DOCK6: variants seen among roughly 807,000 people sequenced by gnomAD.
DOCK6 encodes the protein dedicator of cytokinesis 6, also known as dedicator of cytokinesis protein 6.
Under a neutral mutation model 230.3 loss-of-function variants are expected in DOCK6, and 167 were observed. That is an observed-to-expected ratio of 0.73 (90% confidence interval 0.64 to 0.82). DOCK6 has a LOEUF of 0.82. Ranked by LOEUF, DOCK6 falls within the 40% of genes least tolerant of loss-of-function variation. The pLI is 0.00. For missense variants in DOCK6, 2,598 were observed against 2,825.8 expected (o/e 0.92, Z 1.83); for synonymous variants, 1,148 against 1,185.0 (o/e 0.97, Z 0.64).
At chr19:11,215,664 G>A (rs570677531) in intron 31 of DOCK6, 137 bp downstream of exon 31, 28 of 1,451,008 alleles carry the variant, frequency 1.9e-5, no homozygotes, top group South Asian at 4.9e-5. Flanking sequence ...GCATGTGTAC[G>A]GTGATGATTT....
At chr19:11,229,154 G>T in intron 22 of DOCK6, 119 bp from the exon 23 acceptor site, 1 of 1,219,678 alleles carries the variant, frequency 8.2e-7, no homozygotes, top group Non-Finnish European at 1.1e-6. Flanking sequence ...CAGGAGCCAG[G>T]CAGGAGGAGG....
Position 11,220,079 on chromosome 19 carries a change from A to C in DOCK6, c.3550+1772T>G, listed in dbSNP as rs548612268. Among the ~76,000 whole-genome samples, 207 of 151,422 alleles carry C rather than the reference A, an allele frequency of 1.4e-3. 1 individual carries two copies. Among genetic ancestry groups the C allele is most frequent in the African/African-American group, 4.7e-3 (194 of 41,270 alleles). On this transcript the variant is annotated intron_variant, in intron 28 of 47. Transcript: ENST00000294618. ...AGCGATACTCCTGCCTCAGCCTCCC[A>C]AGTAGCTTGGATTACCGGTGCCCAC...
rs771218272 is a variant in DOCK6 at position 11,212,158 on chromosome 19, G to A, written c.4492-7C>T. The A allele has an allele frequency of 3.1e-6, 5 of 1,605,344 alleles. No homozygotes were observed. The African/African-American group carries it at 6.7e-5, about 21-fold the overall frequency. On this transcript the variant is annotated splice_polypyrimidine_tract_variant and splice_region_variant and intron_variant, in intron 35 of 47. Coordinates refer to ENST00000294618, the MANE Select transcript of DOCK6 (RefSeq NM_020812.4). Reference sequence around the variant, plus strand: ...TCTTCACACGGGCAAAGTTCTGCAGGGACAGGGGCGGGAGGGTGGAGCCGG... The same window carrying A: ...TCTTCACACGGGCAAAGTTCTGCAGAGACAGGGGCGGGAGGGTGGAGCCGG...
rs767397341 is a variant in DOCK6, at chr19:11,221,836, C to T, written c.3550+15G>A. ...CCCTGGATCATGTGACCCCATCTTC[C>T]CCTGGCCCACTGACCAGCAAAGTCA... On this transcript the variant is annotated intron_variant, in intron 28 of 47. Coordinates refer to ENST00000294618, the MANE Select transcript of DOCK6 (RefSeq NM_020812.4). The T allele has an allele frequency of 1.2e-6, 2 of 1,613,614 alleles. No homozygotes were observed.
rs7252976 is a variant in DOCK6 at position 11,204,667 on chromosome 19, A to G, written c.5089-336T>C. On this transcript the variant is annotated intron_variant, in intron 39 of 47. Transcript: ENST00000294618. ...AGATGCTCCCACCCTAGCCTCCCACATAGCTGGAACTACAGGTACATGCCA... is the reference window on the plus strand; with the variant it reads ...AGATGCTCCCACCCTAGCCTCCCACGTAGCTGGAACTACAGGTACATGCCA... 0.71 allele frequency among the ~76,000 whole-genome samples: 108,242 copies of G among 151,988 alleles called. 38,789 individuals are homozygous for G. Among genetic ancestry groups the G allele is most frequent in the African/African-American group, 0.8 (32,997 of 41,466 alleles).
At chr19:11,217,480 G>C (rs2079511343) in intron 28 of DOCK6, 89 bp from the exon 29 acceptor site, 8 of 1,504,242 alleles carry the variant, frequency 5.3e-6, no homozygotes, top group Admixed American at 2.0e-5. Context: ...CTCATGGCCA[G>C]GCACAGTGGC....
rs997962427 is a variant in DOCK6 at position 11,243,390 on chromosome 19, G to C, written c.1259-5C>G. On this transcript the variant is annotated splice_polypyrimidine_tract_variant and splice_region_variant and intron_variant, in intron 11 of 47. Transcript: ENST00000294618. The surrounding 1 kb of genome is among the most constrained non-coding windows in gnomAD (Gnocchi z 6.3). ...CTGTCCAGGCTGGCCGGCGCTCTAG[G>C]GGAGGGAATGACAATGACAAAAGGG... The C allele has an allele frequency of 3.1e-6, 5 of 1,600,894 alleles. No homozygotes were observed. The highest frequency in any genetic ancestry group is 3.4e-6 in the Non-Finnish European group (4 of 1,174,416).
Position 11,238,214 on chromosome 19 carries a change from T to C in DOCK6, c.1734A>G (p.Thr578=), listed in dbSNP as rs1189121555. The change falls in exon 15 of 48, where the codon ACA becomes ACG. Residue 578 remains threonine, a synonymous_variant. Transcript: ENST00000294618. The part of the protein sequence containing the change: ...RNLAVRVQYM[T]GEDPSQALPV... ...GCAGAGCCTGGCTGGGGTCCTCGCC[T>C]GTCATGTACTGCACTCGCACAGCAA... 2 of 1,613,512 alleles carry C rather than the reference T, an allele frequency of 1.2e-6. No homozygotes were observed. Among genetic ancestry groups the C allele is most frequent in the East Asian group, 2.2e-5 (1 of 44,860 alleles).
Position 11,222,279 on chromosome 19 carries a change from A to C in DOCK6, c.3241-31T>G. On this transcript the variant is annotated intron_variant, in intron 26 of 47. Transcript: ENST00000294618. The surrounding 1 kb of genome is among the most constrained non-coding windows in gnomAD (Gnocchi z 4.0). The stretch of plus-strand genomic sequence containing the variant: ...GAGTGGGGGAAAAATGGGGGATGCC[A>C]GCGGTCAAGGGTCAGAGGTGGCAGG... 1 of 1,578,552 alleles carries C rather than the reference A, an allele frequency of 6.3e-7. No individual in the cohort carries two copies. Among genetic ancestry groups the C allele is most frequent in the Non-Finnish European group, 8.6e-7 (1 of 1,162,318 alleles).
chr19:11,199,439 A>G lies in DOCK6; in HGVS notation c.*58T>C, dbSNP rs1414854074. 3 of 1,550,076 alleles carry G rather than the reference A, an allele frequency of 1.9e-6. No individual in the cohort carries two copies. Among genetic ancestry groups the G allele is most frequent in the Non-Finnish European group, 2.6e-6 (3 of 1,144,578 alleles). On this transcript the variant is annotated 3_prime_UTR_variant, in exon 48 of 48. Transcript: ENST00000294618. ...CACCAGGGCAGACTCCCCTCGCAGCACAGACAGCTGAGGCCCGGGTGCTGG... is the reference window on the plus strand; with the variant it reads ...CACCAGGGCAGACTCCCCTCGCAGCGCAGACAGCTGAGGCCCGGGTGCTGG...
At chr19:11,213,133 G>T in intron 35 of DOCK6, 43 bp downstream of exon 35, 1 of 1,591,078 alleles carries the variant, frequency 6.3e-7, no homozygotes, top group South Asian at 1.1e-5. Context: ...TGGCCACCCT[G>T]ACCAGAGCCA....
intron 7 of DOCK6, 70 bp from the exon 8 acceptor site, chr19:11,245,948 G>A (rs2080026395): frequency 5.2e-6 from 8 of 1,529,396 alleles, no homozygotes; most frequent in Non-Finnish European, 7.1e-6. Flanking sequence ...ACTCCCTCTT[G>A]AGGCCCAAGG....
rs533800908 is a variant in DOCK6, at chr19:11,226,433, C to G, written c.2955+904G>C. Reference sequence around the variant, plus strand: ...CAGCACTTTGGGAGGGCAAGGCGGGCAGATCACCTGAGGTTAGGAGTTCCA... The same window carrying G: ...CAGCACTTTGGGAGGGCAAGGCGGGGAGATCACCTGAGGTTAGGAGTTCCA... On this transcript the variant is annotated intron_variant, in intron 24 of 47. Transcript: ENST00000294618. Among the ~76,000 whole-genome samples the G allele has an allele frequency of 1.4e-4, 22 of 152,294 alleles. 1 individual carries two copies. The East Asian group carries it at 4.3e-3, about 29-fold the overall frequency.
At chr19:11,207,627 A>G (rs1438337839) in intron 39 of DOCK6, among the ~76,000 whole-genome samples, 1 of 151,716 alleles carries the variant, frequency 6.6e-6, no homozygotes, top group Non-Finnish European at 1.5e-5. Context: ...CTCCCTCTCT[A>G]TGAAAAAATT....
rs1444724009 is a variant in DOCK6 at position 11,245,877 on chromosome 19, A to G, written c.808T>C (p.Phe270Leu). 2 of 1,560,394 alleles carry G rather than the reference A, an allele frequency of 1.3e-6. No homozygotes were observed. The highest frequency in any genetic ancestry group is 1.9e-5 in the Admixed American group (1 of 51,786). ...RILVKCLSLKFEIEIEPIFGI... is the reference protein window; with the variant it reads ...RILVKCLSLKLEIEIEPIFGI... Reference sequence around the variant, plus strand: ...AAGATGGGCTCAATTTCAATCTCGAACCTACAAGTAAATGGGAGGGAGGGG... The same window carrying G: ...AAGATGGGCTCAATTTCAATCTCGAGCCTACAAGTAAATGGGAGGGAGGGG... The change falls in exon 8 of 48, where the codon TTC becomes CTC. Residue 270 changes from phenylalanine (F) to leucine (L), a missense_variant and splice_region_variant. Phe to Leu is a conservative substitution (Grantham distance 22). Transcript: ENST00000294618.
chr19:11,240,616 G>A (rs1270972340), intron 14 of DOCK6, among the ~76,000 whole-genome samples: 1 of 146,020 alleles, frequency 6.8e-6, no homozygotes, highest in African/African-American at 2.6e-5. Flanking sequence ...GAGTCTCACT[G>A]TTGCCCAGGC....
At chr19:11,214,834 G>C (rs767021264) in intron 32 of DOCK6, among the ~76,000 whole-genome samples, 185 bp from the exon 33 acceptor site, 1 of 151,784 alleles carries the variant, frequency 6.6e-6, no homozygotes, top group Non-Finnish European at 1.5e-5. Flanking sequence ...GAGTGCAGTG[G>C]TGTGATCACC....
In DOCK6 at chr19:11,202,637, C is replaced by T; in HGVS notation, c.5308G>A (p.Val1770Met). 1 of 1,614,058 alleles carries T rather than the reference C, an allele frequency of 6.2e-7. No homozygotes were observed. The highest frequency in any genetic ancestry group is 2.2e-5 in the East Asian group (1 of 44,880). ...HFGDLDEQEFVYKEPSITKLA... is the reference protein window; with the variant it reads ...HFGDLDEQEFMYKEPSITKLA... The stretch of plus-strand genomic sequence containing the variant: ...TTCGTGATCGATGGCTCCTTGTACA[C>T]AAACTCCTGCTCATCCAGGTCACCG... The change falls in exon 42 of 48, where the codon GTG (valine) becomes ATG (methionine). Residue 1770 changes from valine to methionine, a missense_variant. Val to Met is a conservative substitution (Grantham distance 21, BLOSUM62 1). Coordinates refer to ENST00000294618, the MANE Select transcript of DOCK6 (RefSeq NM_020812.4). The surrounding 1 kb of genome is among the most constrained non-coding windows in gnomAD (Gnocchi z 5.3).
At chr19:11,239,588 C>T in intron 14 of DOCK6, 2 of 1,603,382 alleles carry the variant, frequency 1.2e-6, no homozygotes, top group Non-Finnish European at 1.7e-6. Context: ...GGGTATGAGG[C>T]ATAAAAGGCT....
Sources: allele counts gnomAD v4.1 joint callset (sites outside exome capture counted in the v4.1 genomes callset), GRCh38; gene constraint gnomAD v4.1.1; non-coding constraint Gnocchi (gnomAD v3.1); transcripts MANE v1.5; gene names NCBI Gene and HGNC (gene_info 2026-07-23, HGNC 2026-07-21).